The following ANGPT4 variants were observed in gnomAD, a reference collection of about 807,000 sequenced individuals.
ANGPT4 encodes the protein angiopoietin 4.
In ANGPT4, 50 loss-of-function variants were observed where a neutral mutation model predicts 53.0. That is an observed-to-expected ratio of 0.94 (90% CI 0.75 to 1.20). The LOEUF is 1.20. Among genes scored for constraint, ANGPT4 ranks in the 50% most tolerant of loss-of-function variants. The probability of loss-of-function intolerance (pLI) is 0.00; values close to 1 mark genes in which losing one functional copy is unlikely to be tolerated. For missense variants in ANGPT4, 648 were observed against 637.1 expected (o/e 1.02, Z -0.18); for synonymous variants, 251 against 259.7 (o/e 0.97, Z 0.32).
intron 6 of ANGPT4, 98 bp from the exon 7 acceptor site, chr20:878,425 C>T: frequency 1.6e-6 from 2 of 1,231,414 alleles, no homozygotes; most frequent in Non-Finnish European, 2.2e-6. Flanking sequence ...GCTACTTATA[C>T]AAAACCACTG....
Position 872,831 on chromosome 20 carries a change from G to A in ANGPT4, c.*129C>T, listed in dbSNP as rs1213830588. 4.9e-6 allele frequency: 6 copies of A among 1,215,984 alleles called. No individual in the cohort carries two copies. The highest frequency in any genetic ancestry group is 7.0e-6 in the Non-Finnish European group (6 of 860,618). The allele number at this position is 1,215,984 out of a possible 1,614,324, so 75.3% of individuals were successfully genotyped here. On this transcript the variant is annotated 3_prime_UTR_variant, in exon 9 of 9. Transcript: ENST00000381922. ...CCCTTCTGGACTTCTGGGTCAAGGA[G>A]GGCTGGCTCAGGAAGCCCAGGGTGT...
intron 1 of ANGPT4, among the ~76,000 whole-genome samples, chr20:899,251 A>AT (rs879579136): frequency 0.017 from 2,501 of 144,596 alleles, 65 homozygotes; most frequent in African/African-American, 0.058. Context: ...CTGGGACAAA[A>AT]TTTTTTTTTT....
chr20:915,915 C>T lies in ANGPT4; in HGVS notation c.300G>A (p.Trp100Ter). 1 of 1,571,086 alleles carries T rather than the reference C, an allele frequency of 6.4e-7. No individual in the cohort carries two copies. The highest frequency in any genetic ancestry group is 8.7e-7 in the Non-Finnish European group (1 of 1,154,906). ...LEQALQNNTQ[W>*]LKKLERAIKT... ...CTCCCATGCCCCGTACCTTCTTCAG[C>T]CACTGCGTGTTGTTCTGCAGTGCCT... Residue 100 changes from tryptophan (W) to a stop codon, truncating the protein, a stop_gained, in exon 1 of 9, where the codon TGG becomes TGA. Transcript: ENST00000381922. LOFTEE classifies it high-confidence loss of function.
At chr20:875,255 C>T (rs1031906778) in intron 7 of ANGPT4, among the ~76,000 whole-genome samples, 3 of 152,114 alleles carry the variant, frequency 2.0e-5, no homozygotes, top group African/African-American at 7.2e-5. Context: ...GCATTTTGTT[C>T]CCCAGCTGAT....
Position 872,884 on chromosome 20 carries a change from C to T in ANGPT4, c.*76G>A. The T allele has an allele frequency of 1.3e-6, 2 of 1,569,532 alleles. No individual in the cohort carries two copies. The highest frequency in any genetic ancestry group is 1.7e-4 in the Middle Eastern group (1 of 5,848). ...GGGAAGGCGGTGGCACAGTGTCTTG[C>T]ATCTGGGTCCAGGTTGTCCAGGAGT... On this transcript the variant is annotated 3_prime_UTR_variant, in exon 9 of 9. Coordinates refer to ENST00000381922, the MANE Select transcript of ANGPT4 (RefSeq NM_015985.4).
At chr20:896,876 G>A (rs1982074962) in intron 1 of ANGPT4, among the ~76,000 whole-genome samples, 1 of 152,170 alleles carries the variant, frequency 6.6e-6, no homozygotes, top group African/African-American at 2.4e-5. Flanking sequence ...ATCTTACTAT[G>A]TGTCAGGACT....
chr20:913,818 T>G (rs1342193235), intron 1 of ANGPT4, among the ~76,000 whole-genome samples: 1 of 152,124 alleles, frequency 6.6e-6, no homozygotes, highest in South Asian at 2.1e-4. Flanking sequence ...GGGGGATAGG[T>G]GGGAGCCACA....
intron 7 of ANGPT4, 112 bp downstream of exon 7, chr20:878,049 A>G: frequency 1.7e-6 from 2 of 1,205,644 alleles, no homozygotes; most frequent in East Asian, 2.6e-5. Flanking sequence ...GGAACAGGAG[A>G]CACCCAGAGA....
chr20:882,026 T>G (rs1278902633), intron 4 of ANGPT4, among the ~76,000 whole-genome samples: 2 of 152,146 alleles, frequency 1.3e-5, no homozygotes, highest in Non-Finnish European at 2.9e-5. Context: ...TGGAGCTCCC[T>G]TGGGTGGGAA....
In ANGPT4 at chr20:872,823, G is replaced by T; in HGVS notation, c.*137C>A. 1 of 1,138,598 alleles carries T rather than the reference G, an allele frequency of 8.8e-7. No individual in the cohort carries two copies. Among genetic ancestry groups the T allele is most frequent in the Non-Finnish European group, 1.3e-6 (1 of 794,322 alleles). The allele number at this position is 1,138,598 out of a possible 1,614,324, so 70.5% of individuals were successfully genotyped here. ...GCAGATGACCCTTCTGGACTTCTGG[G>T]TCAAGGAGGGCTGGCTCAGGAAGCC... On this transcript the variant is annotated 3_prime_UTR_variant, in exon 9 of 9. Transcript: ENST00000381922.
At chr20:885,509 T>C (rs1981587287) in intron 3 of ANGPT4, among the ~76,000 whole-genome samples, 184 bp from the exon 4 acceptor site, 1 of 151,922 alleles carries the variant, frequency 6.6e-6, no homozygotes, top group Non-Finnish European at 1.5e-5. Context: ...CCTGGAGTAA[T>C]ATAGATTGAG....
chr20:903,632 T>C (rs1041872819), intron 1 of ANGPT4, among the ~76,000 whole-genome samples: 1 of 152,188 alleles, frequency 6.6e-6, no homozygotes, highest in African/African-American at 2.4e-5. Flanking sequence ...AAGAACAAAA[T>C]TCTTTGCTTT....
chr20:887,386 G>A (rs186404017), intron 3 of ANGPT4, among the ~76,000 whole-genome samples: 1 of 152,336 alleles, frequency 6.6e-6, no homozygotes, highest in Non-Finnish European at 1.5e-5. Context: ...GGGAGAATAA[G>A]AAGATGGGCA....
At chr20:898,087 T>C (rs1982125757) in intron 1 of ANGPT4, among the ~76,000 whole-genome samples, 1 of 152,090 alleles carries the variant, frequency 6.6e-6, no homozygotes, top group Non-Finnish European at 1.5e-5. Flanking sequence ...CAAATCTTTT[T>C]TTTTCTCTCC....
intron 1 of ANGPT4, among the ~76,000 whole-genome samples, chr20:902,491 T>C (rs1982324574): frequency 6.6e-6 from 1 of 152,210 alleles, no homozygotes; most frequent in Admixed American, 6.5e-5. Flanking sequence ...AATATCTCAT[T>C]GCAGTGATTG....
At chr20:876,863 A>C (rs1178979124) in intron 7 of ANGPT4, among the ~76,000 whole-genome samples, 2 of 151,372 alleles carry the variant, frequency 1.3e-5, no homozygotes, top group East Asian at 3.9e-4. Flanking sequence ...CCTGGGCAAC[A>C]TAGGGAAACC....
At chr20:882,569 G>A (rs1399481207) in intron 4 of ANGPT4, among the ~76,000 whole-genome samples, 1 of 152,138 alleles carries the variant, frequency 6.6e-6, no homozygotes, top group Non-Finnish European at 1.5e-5. Context: ...TCACTCACAA[G>A]CATTTCCTGG....
chr20:902,910 A>G (rs1982340596), intron 1 of ANGPT4, among the ~76,000 whole-genome samples: 1 of 151,964 alleles, frequency 6.6e-6, no homozygotes, highest in African/African-American at 2.4e-5. Context: ...TCTGCTGTTG[A>G]CCCCAATTAT....
chr20:871,564 C>T lies in ANGPT4; in HGVS notation c.*1396G>A, dbSNP rs1029841842. 1.3e-5 allele frequency: 2 copies of T among 152,506 alleles called. No homozygotes were observed. The highest frequency in any genetic ancestry group is 2.9e-5 in the Non-Finnish European group (2 of 68,278). The allele number at this position is 152,506 out of a possible 1,614,324, so 9.4% of individuals were successfully genotyped here. A position where few individuals can be genotyped will look rare whatever the true frequency, so the allele number is the denominator to read the frequency against. The stretch of plus-strand genomic sequence containing the variant: ...TGGTCTCCCAAACTCAGGCAGAGGC[C>T]TTATCTCCTCCCCTGCAGCTCCCCA... On this transcript the variant is annotated 3_prime_UTR_variant, in exon 9 of 9. Coordinates refer to ENST00000381922, the MANE Select transcript of ANGPT4 (RefSeq NM_015985.4).
Sources: gnomAD v4.1 joint callset for allele counts (sites outside exome capture counted in the v4.1 genomes callset) on GRCh38, gnomAD v4.1.1 for gene constraint, MANE v1.5 for transcripts, NCBI Gene and HGNC (gene_info 2026-07-23, HGNC 2026-07-21) for gene names.